SOS1: variants seen among roughly 807,000 people sequenced by gnomAD.
SOS1 encodes the protein SOS Ras/Rac guanine nucleotide exchange factor 1, also known as son of sevenless homolog 1.
In SOS1, 25 loss-of-function variants were observed where a neutral mutation model predicts 157.6. That is an observed-to-expected ratio of 0.16 (90% CI 0.12 to 0.22). The LOEUF (loss-of-function observed/expected upper bound fraction) is 0.22, where lower values mean the gene tolerates loss of function less well. Among genes scored for constraint, SOS1 ranks in the 10% least tolerant of loss-of-function variants. The pLI, the probability that SOS1 is intolerant of heterozygous loss-of-function variation, is 1.00. For synonymous variants in SOS1, 528 were observed against 534.0 expected (o/e 0.99, Z 0.16); for missense variants, 1,237 against 1,599.1 (o/e 0.77, Z 3.86).
intron 6 of SOS1, among the ~76,000 whole-genome samples, chr2:39,049,389 A>T (rs1319999362): frequency 6.6e-6 from 1 of 152,106 alleles, no homozygotes; most frequent in Admixed American, 6.5e-5. Flanking sequence ...AATTCTCGAA[A>T]TCTCTGTCTT....
intron 1 of SOS1, among the ~76,000 whole-genome samples, chr2:39,106,453 T>G (rs1673187363): frequency 6.7e-6 from 1 of 149,562 alleles, no homozygotes; most frequent in African/African-American, 2.5e-5. Flanking sequence ...TAGCCGGGCG[T>G]AGTGGCGGGC....
chr2:39,112,245 G>C (rs1673468349), intron 1 of SOS1, among the ~76,000 whole-genome samples: 1 of 152,146 alleles, frequency 6.6e-6, no homozygotes, highest in Non-Finnish European at 1.5e-5. Context: ...GAACAGATAA[G>C]CGCTATTGGA....
chr2:39,059,212 A>AGTGGTAACATTCAGAGGTTAC, intron 2 of SOS1, among the ~76,000 whole-genome samples: 1 of 152,168 alleles, frequency 6.6e-6, no homozygotes, highest in East Asian at 1.9e-4. Flanking sequence ...AGCATTTTTC[A>AGTGGTAACATTCAGAGGTTAC]ATTGAAACCT....
At chr2:39,106,604 A>AACAAAC (rs1558516363) in intron 1 of SOS1, among the ~76,000 whole-genome samples, 5 of 148,832 alleles carry the variant, frequency 3.4e-5, no homozygotes, top group African/African-American at 1.3e-4. Flanking sequence ...AAAAAAAACA[A>AACAAAC]AAAAAAAAAC....
At chr2:39,069,566 G>C (rs1671727663) in intron 1 of SOS1, among the ~76,000 whole-genome samples, 1 of 151,434 alleles carries the variant, frequency 6.6e-6, no homozygotes, top group African/African-American at 2.4e-5. Context: ...TTATTTTTTT[G>C]AGACAGGGTC....
chr2:39,025,205 G>C (rs1284884894), intron 8 of SOS1, among the ~76,000 whole-genome samples: 1 of 152,092 alleles, frequency 6.6e-6, no homozygotes, highest in Non-Finnish European at 1.5e-5. Context: ...ACGAGTTTGA[G>C]ATACCGTCTA....
chr2:39,034,297 A>C (rs1055179467), intron 8 of SOS1, among the ~76,000 whole-genome samples: 2 of 152,238 alleles, frequency 1.3e-5, no homozygotes, highest in Admixed American at 6.5e-5. Context: ...GTTTACTGTT[A>C]ATAAATTCAC....
rs1221678891 is a variant in SOS1 at position 39,056,870 on chromosome 2, C to T, written c.346-4G>A. The T allele has an allele frequency of 6.3e-7, 1 of 1,597,058 alleles. No individual in the cohort carries two copies. The highest frequency in any genetic ancestry group is 1.1e-5 in the South Asian group (1 of 90,742). ...CAATTTTATAACCTAGGACCTCCTG[C>T]AAAATTAAAAGAAAAGCATGTTTAA... On this transcript the variant is annotated splice_polypyrimidine_tract_variant and splice_region_variant and intron_variant, in intron 3 of 22. Transcript: ENST00000402219.
intron 1 of SOS1, among the ~76,000 whole-genome samples, chr2:39,074,175 C>A (rs1234769922): frequency 6.6e-6 from 1 of 151,826 alleles, no homozygotes; most frequent in East Asian, 1.9e-4. Context: ...CACAGTGAAA[C>A]CCCGTGTGTA....
At chr2:39,080,255 T>A (rs1226528776) in intron 1 of SOS1, among the ~76,000 whole-genome samples, 1 of 151,994 alleles carries the variant, frequency 6.6e-6, no homozygotes, top group East Asian at 1.9e-4. Flanking sequence ...CCTAGATGCC[T>A]CACATGCACA....
intron 1 of SOS1, among the ~76,000 whole-genome samples, chr2:39,110,146 A>G (rs957378587): frequency 6.6e-6 from 1 of 151,996 alleles, no homozygotes; most frequent in African/African-American, 2.4e-5. Context: ...CCTCCCTCAG[A>G]TACCAGAATC....
At chr2:39,070,609 T>C (rs1051191994) in intron 1 of SOS1, among the ~76,000 whole-genome samples, 1 of 152,158 alleles carries the variant, frequency 6.6e-6, no homozygotes. Flanking sequence ...AAATTACCTG[T>C]AGGATAGTTC....
At chr2:38,997,665 T>G (rs2124480314) in intron 17 of SOS1, among the ~76,000 whole-genome samples, 1 of 151,808 alleles carries the variant, frequency 6.6e-6, no homozygotes, top group South Asian at 2.1e-4. Context: ...GGGATACATA[T>G]TTTTTATTTT....
intron 1 of SOS1, among the ~76,000 whole-genome samples, chr2:39,107,105 G>A (rs1673222820): frequency 1.3e-5 from 2 of 151,656 alleles, no homozygotes; most frequent in East Asian, 1.9e-4. Context: ...TTAAATACAG[G>A]GGTTTTTTGG....
intron 1 of SOS1, among the ~76,000 whole-genome samples, chr2:39,108,150 C>T (rs1489707580): frequency 6.6e-6 from 1 of 152,090 alleles, no homozygotes; most frequent in Non-Finnish European, 1.5e-5. Flanking sequence ...CACCAATCTG[C>T]CTCTAAATCT....
chr2:39,097,871 A>T (rs545644870), intron 1 of SOS1, among the ~76,000 whole-genome samples: 1 of 152,290 alleles, frequency 6.6e-6, no homozygotes, highest in Admixed American at 6.5e-5. Flanking sequence ...AGTGAAGTTA[A>T]TTCTTAACCC....
chr2:38,981,997 A>G lies in SOS1; in HGVS notation c.*3827T>C, dbSNP rs574550185. The G allele has an allele frequency of 3.3e-5, 5 of 152,266 alleles. No individual in the cohort carries two copies. In the South Asian group the frequency reaches 1.0e-3, roughly 32 times the overall value. The allele number at this position is 152,266 out of a possible 1,614,324, so 9.4% of individuals were successfully genotyped here. Reference sequence around the variant, plus strand: ...TTAATTAAAGGCACATTTGGCAGCTACTGAAAGTGGCATGCATCTGGCACA... The same window carrying G: ...TTAATTAAAGGCACATTTGGCAGCTGCTGAAAGTGGCATGCATCTGGCACA... On this transcript the variant is annotated 3_prime_UTR_variant, in exon 23 of 23. Coordinates refer to ENST00000402219, the MANE Select transcript of SOS1 (RefSeq NM_005633.4).
At chr2:39,003,210 G>A (rs4670270) in intron 17 of SOS1, among the ~76,000 whole-genome samples, 143,492 of 152,254 alleles carry the variant, frequency 0.94, 67,728 homozygotes, top group African/African-American at 0.98. Context: ...GCAAGTAAGT[G>A]AAAACAGAAA....
At chr2:39,025,308 T>A (rs370129829) in intron 8 of SOS1, among the ~76,000 whole-genome samples, 2 of 152,102 alleles carry the variant, frequency 1.3e-5, no homozygotes, top group Non-Finnish European at 2.9e-5. Flanking sequence ...AGACTTGAGA[T>A]ACACAATCAT....
Sources: allele counts gnomAD v4.1 joint callset (sites outside exome capture counted in the v4.1 genomes callset), GRCh38; gene constraint gnomAD v4.1.1; transcripts MANE v1.5; gene names NCBI Gene and HGNC (gene_info 2026-07-23, HGNC 2026-07-21).